The following GRM8 variants were observed in gnomAD, a reference collection of about 807,000 sequenced individuals.
The protein encoded by GRM8 is glutamate metabotropic receptor 8, also known as metabotropic glutamate receptor 8.
In GRM8, 47 loss-of-function variants were observed where a neutral mutation model predicts 87.2. The observed-to-expected ratio is 0.54, with a 90% confidence interval of 0.43 to 0.69. The LOEUF (loss-of-function observed/expected upper bound fraction) is 0.69, where lower values mean the gene tolerates loss of function less well. Among genes scored for constraint, GRM8 ranks in the 30% least tolerant of loss-of-function variants. The pLI is 0.00. For missense variants in GRM8, 1,019 were observed against 1,139.2 expected, an observed-to-expected ratio of 0.89 and a Z score of 1.52; for synonymous variants, 396 against 404.5, an observed-to-expected ratio of 0.98 and a Z score of 0.25.
chr7:127,211,629 T>C (rs985440551), intron 2 of GRM8, among the ~76,000 whole-genome samples: 1 of 152,200 alleles, frequency 6.6e-6, no homozygotes, highest in Non-Finnish European at 1.5e-5. Context: ...AGGTGAGGAC[T>C]CTGGGAGGCC....
intron 7 of GRM8, among the ~76,000 whole-genome samples, chr7:126,657,163 GC>G: frequency 6.6e-6 from 1 of 150,626 alleles, no homozygotes; most frequent in Non-Finnish European, 1.5e-5. Flanking sequence ...GTCAGGTTGT[GC>G]CTGTACACAC....
intron 8 of GRM8, among the ~76,000 whole-genome samples, chr7:126,545,792 T>C (rs1470431782): frequency 6.6e-6 from 1 of 152,206 alleles, no homozygotes; most frequent in Non-Finnish European, 1.5e-5. Context: ...TACTCCCTAA[T>C]GGCAATTCTG....
chr7:127,083,374 T>A (rs1017216219), intron 3 of GRM8, among the ~76,000 whole-genome samples: 1 of 152,100 alleles, frequency 6.6e-6, no homozygotes, highest in African/African-American at 2.4e-5. Context: ...CTCATCTCCA[T>A]CCTTGCAACC....
intron 8 of GRM8, among the ~76,000 whole-genome samples, chr7:126,594,456 G>A (rs187122643): frequency 6.6e-6 from 1 of 152,100 alleles, no homozygotes; most frequent in Non-Finnish European, 1.5e-5. Context: ...GAAGCTAGAG[G>A]ACATTATGTT....
rs1040753925 is a variant in GRM8 at position 126,802,786 on chromosome 7, A to T, written c.1157-32721T>A. Among the ~76,000 whole-genome samples the T allele has an allele frequency of 1.3e-4, 20 of 152,186 alleles. 1 individual carries two copies. Among genetic ancestry groups the T allele is most frequent in the Admixed American group, 1.3e-4 (2 of 15,280 alleles). Reference sequence around the variant, plus strand: ...GCCACAAACTGGAATAAAACCACAAAATTAAAGTTTTAAATTAGGAAAGAA... The same window carrying T: ...GCCACAAACTGGAATAAAACCACAATATTAAAGTTTTAAATTAGGAAAGAA... On this transcript the variant is annotated intron_variant, in intron 6 of 10. Transcript: ENST00000339582.
chr7:126,863,906 TTACTA>T (rs1798360960), intron 6 of GRM8, among the ~76,000 whole-genome samples: 1 of 151,712 alleles, frequency 6.6e-6, no homozygotes, highest in African/African-American at 2.4e-5. Context: ...TGATATTAAT[TTACTA>T]TACCACTGTT....
chr7:126,534,192 A>G (rs530556442), intron 8 of GRM8, among the ~76,000 whole-genome samples: 1 of 152,066 alleles, frequency 6.6e-6, no homozygotes, highest in African/African-American at 2.4e-5. Flanking sequence ...TAAAAAAAAT[A>G]AAATACAAAA....
intron 7 of GRM8, among the ~76,000 whole-genome samples, chr7:126,723,017 TATAAATTA>T: frequency 6.9e-6 from 1 of 144,350 alleles, no homozygotes; most frequent in African/African-American, 2.6e-5. Context: ...TTTACATATA[TATAAATTA>T]TATATATAAA....
chr7:126,704,041 C>T (rs932244216), intron 7 of GRM8, among the ~76,000 whole-genome samples: 1 of 152,142 alleles, frequency 6.6e-6, no homozygotes, highest in Non-Finnish European at 1.5e-5. Flanking sequence ...GTCAGACTGT[C>T]AGGACGTCTA....
intron 6 of GRM8, among the ~76,000 whole-genome samples, chr7:126,793,641 G>A (rs1266940486): frequency 6.6e-6 from 1 of 152,204 alleles, no homozygotes; most frequent in Non-Finnish European, 1.5e-5. Flanking sequence ...AGTCTCCTTA[G>A]AATAATAGTA....
chr7:126,630,290 C>T (rs1321744990), intron 7 of GRM8, among the ~76,000 whole-genome samples: 1 of 151,966 alleles, frequency 6.6e-6, no homozygotes, highest in African/African-American at 2.4e-5. Context: ...AGGCTGTCAT[C>T]AGAGGAAAAT....
intron 3 of GRM8, among the ~76,000 whole-genome samples, chr7:126,953,839 A>G (rs1042866323): frequency 6.6e-6 from 1 of 152,170 alleles, no homozygotes; most frequent in African/African-American, 2.4e-5. Context: ...ATTTTAATTT[A>G]CTATCTGCTA....
intron 7 of GRM8, among the ~76,000 whole-genome samples, chr7:126,664,177 TA>T (rs1210268419): frequency 6.6e-6 from 1 of 152,108 alleles, no homozygotes; most frequent in Non-Finnish European, 1.5e-5. Context: ...GCTCATGGAT[TA>T]GAAGAATCAA....
intron 3 of GRM8, among the ~76,000 whole-genome samples, chr7:127,101,457 C>G (rs1207813958): frequency 6.6e-6 from 1 of 152,164 alleles, no homozygotes; most frequent in African/African-American, 2.4e-5. Context: ...GGGCAAAGCC[C>G]TCATGGCTTG....
At chr7:126,678,657 T>C (rs1243128255) in intron 7 of GRM8, among the ~76,000 whole-genome samples, 1 of 152,228 alleles carries the variant, frequency 6.6e-6, no homozygotes, top group Non-Finnish European at 1.5e-5. Flanking sequence ...CAGTTTTCCA[T>C]TAAGTGGTAC....
intron 3 of GRM8, among the ~76,000 whole-genome samples, chr7:127,097,729 C>T (rs1824813289): frequency 6.6e-6 from 1 of 152,090 alleles, no homozygotes; most frequent in South Asian, 2.1e-4. Context: ...ATTTTACAGA[C>T]AAGGAAATTA....
At chr7:127,212,510 C>T (rs1050611470) in intron 2 of GRM8, among the ~76,000 whole-genome samples, 2 of 150,090 alleles carry the variant, frequency 1.3e-5, no homozygotes, top group South Asian at 4.2e-4. Context: ...CTCCGCCTCC[C>T]GGGTTCACGC....
intron 8 of GRM8, among the ~76,000 whole-genome samples, chr7:126,593,263 A>T (rs1398778595): frequency 6.6e-6 from 1 of 152,084 alleles, no homozygotes; most frequent in African/African-American, 2.4e-5. Context: ...AACAATTTTA[A>T]AATTTGTATG....
chr7:126,515,259 T>C (rs2150763421), intron 9 of GRM8, among the ~76,000 whole-genome samples: 2 of 152,240 alleles, frequency 1.3e-5, no homozygotes, highest in East Asian at 3.9e-4. Context: ...TAATGCATAG[T>C]ATATCAGCTT....
Sources: gnomAD v4.1 joint callset for allele counts (sites outside exome capture counted in the v4.1 genomes callset) on GRCh38, gnomAD v4.1.1 for gene constraint, MANE v1.5 for transcripts, NCBI Gene and HGNC (gene_info 2026-07-23, HGNC 2026-07-21) for gene names.